RBFOX1: variants seen among roughly 807,000 people sequenced by gnomAD.
RBFOX1 encodes the protein RNA binding fox-1 homolog 1.
In RBFOX1, 8 loss-of-function variants were observed where a neutral mutation model predicts 57.7. The ratio of observed to expected loss-of-function variants is 0.14; its 90% confidence interval spans 0.08 to 0.25. The LOEUF is 0.25. RBFOX1 is among the 10% of genes least tolerant of loss of function. The probability of loss-of-function intolerance (pLI) is 1.00; values close to 1 mark genes in which losing one functional copy is unlikely to be tolerated. For synonymous variants in RBFOX1, 326 were observed against 222.4 expected (o/e 1.47, Z -4.15); for missense variants, 611 against 548.5 (o/e 1.11, Z -1.14).
chr16:6,753,088 C>G (rs1603545690), intron 3 of RBFOX1, among the ~76,000 whole-genome samples: 1 of 150,844 alleles, frequency 6.6e-6, no homozygotes, highest in African/African-American at 2.4e-5. Flanking sequence ...TAAAAAAATA[C>G]AAATATTGAA....
chr16:7,281,554 A>G (rs1451172241), intron 4 of RBFOX1, among the ~76,000 whole-genome samples: 1 of 152,132 alleles, frequency 6.6e-6, no homozygotes, highest in Non-Finnish European at 1.5e-5. Context: ...GTTAACTACT[A>G]TTCTTATTAG....
At chr16:7,500,266 G>A (rs895373919) in intron 4 of RBFOX1, among the ~76,000 whole-genome samples, 12 of 152,176 alleles carry the variant, frequency 7.9e-5, no homozygotes, top group African/African-American at 2.9e-4. Context: ...CTCTTCACTT[G>A]CCAAGATGGA....
At chr16:5,654,443 A>G (rs972411824) in intron 3 of RBFOX1, among the ~76,000 whole-genome samples, 1 of 152,010 alleles carries the variant, frequency 6.6e-6, no homozygotes, top group African/African-American at 2.4e-5. Flanking sequence ...AGTCCATACC[A>G]TTTCTTGTGG....
At chr16:5,521,856 CT>C (rs1380546294) in intron 2 of RBFOX1, among the ~76,000 whole-genome samples, 26 of 152,190 alleles carry the variant, frequency 1.7e-4, no homozygotes, top group African/African-American at 6.0e-4. Context: ...ATATCCCTAG[CT>C]TTTGTCCAGA....
intron 1 of RBFOX1, among the ~76,000 whole-genome samples, chr16:5,353,465 A>G (rs1435438831): frequency 1.3e-5 from 2 of 151,754 alleles, no homozygotes. Flanking sequence ...TAGGACATTG[A>G]CATTTTTAAA....
intron 3 of RBFOX1, among the ~76,000 whole-genome samples, chr16:6,780,884 C>G (rs915287272): frequency 2.6e-5 from 4 of 151,938 alleles, no homozygotes; most frequent in African/African-American, 9.7e-5. Flanking sequence ...CTCACATGTT[C>G]TGGCAGTTAT....
intron 4 of RBFOX1, among the ~76,000 whole-genome samples, chr16:7,285,023 C>T (rs1603488830): frequency 6.7e-6 from 1 of 149,110 alleles, no homozygotes; most frequent in Non-Finnish European, 1.5e-5. Flanking sequence ...TCAGAAAAGC[C>T]TTCCCTCACC....
intron 1 of RBFOX1, among the ~76,000 whole-genome samples, chr16:6,163,136 T>C (rs9941045): frequency 0.59 from 90,027 of 152,008 alleles, 27,683 homozygotes; most frequent in African/African-American, 0.71. Context: ...GGAAGGGTTG[T>C]GGTGTAAGTA....
intron 2 of RBFOX1, among the ~76,000 whole-genome samples, chr16:5,507,846 G>A (rs539925332): frequency 7.2e-5 from 11 of 152,280 alleles, no homozygotes; most frequent in Non-Finnish European, 1.3e-4. Flanking sequence ...ACGCAAGGAG[G>A]GTCTCTTCCT....
rs2074375202 is a variant in RBFOX1, at chr16:6,265,543, T to C, written c.-126-51452T>C. ...TCCCAGAGTGCTGGGATTACAGGTA[T>C]GAGCCACTGTGCCCGGCCAGTTTGA... On this transcript the variant is annotated intron_variant, in intron 1 of 15. Transcript: ENST00000550418. 2.0e-5 allele frequency among the ~76,000 whole-genome samples: 3 copies of C among 152,212 alleles called. No individual in the cohort carries two copies. The South Asian group carries it at 6.2e-4, about 32-fold the overall frequency.
At chr16:7,293,141 T>C (rs1168219712) in intron 4 of RBFOX1, among the ~76,000 whole-genome samples, 1 of 152,182 alleles carries the variant, frequency 6.6e-6, no homozygotes, top group Non-Finnish European at 1.5e-5. Context: ...ATCCATAGAT[T>C]CAGTCAACTG....
intron 4 of RBFOX1, among the ~76,000 whole-genome samples, chr16:7,343,203 G>A (rs1269117885): frequency 6.6e-6 from 1 of 152,198 alleles, no homozygotes; most frequent in South Asian, 2.1e-4. Flanking sequence ...GTGCCCGGTG[G>A]CAAGGAGGAT....
chr16:6,089,032 G>A (rs979705732), intron 1 of RBFOX1, among the ~76,000 whole-genome samples: 1 of 149,388 alleles, frequency 6.7e-6, no homozygotes, highest in African/African-American at 2.5e-5. Context: ...GGAGGCGGAG[G>A]TTGCAGTGAG....
At chr16:6,395,029 A>G (rs1265669522) in intron 2 of RBFOX1, among the ~76,000 whole-genome samples, 5 of 152,154 alleles carry the variant, frequency 3.3e-5, no homozygotes, top group Non-Finnish European at 1.5e-5. Flanking sequence ...TGGCTGGCCA[A>G]TGGCCATTTG....
At chr16:6,708,699 A>G (rs1226555855) in intron 3 of RBFOX1, among the ~76,000 whole-genome samples, 2 of 152,236 alleles carry the variant, frequency 1.3e-5, no homozygotes, top group East Asian at 1.9e-4. Flanking sequence ...AATCATTAGT[A>G]TAATTACACC....
At chr16:7,385,624 C>T (rs1373743323) in intron 4 of RBFOX1, among the ~76,000 whole-genome samples, 4 of 152,056 alleles carry the variant, frequency 2.6e-5, no homozygotes, top group African/African-American at 4.8e-5. Flanking sequence ...CTCATTTGGG[C>T]GTTGAAACTT....
intron 1 of RBFOX1, among the ~76,000 whole-genome samples, chr16:6,189,825 T>C (rs1432839648): frequency 6.6e-6 from 1 of 152,244 alleles, no homozygotes; most frequent in East Asian, 1.9e-4. Flanking sequence ...TTTCACATGG[T>C]TAAACATATA....
At chr16:6,092,713 A>G (rs2096193539) in intron 1 of RBFOX1, 1 of 151,948 alleles carries the variant, frequency 6.6e-6, no homozygotes. Flanking sequence ...GTGTGGCATT[A>G]TTTCTGGGCC....
At chr16:7,561,889 C>T (rs548870638) in intron 5 of RBFOX1, among the ~76,000 whole-genome samples, 1 of 152,046 alleles carries the variant, frequency 6.6e-6, no homozygotes, top group Non-Finnish European at 1.5e-5. Flanking sequence ...GGGGGGAAAT[C>T]TTTGAGCTAA....
Sources: gnomAD v4.1 joint callset for allele counts (sites outside exome capture counted in the v4.1 genomes callset) on GRCh38, gnomAD v4.1.1 for gene constraint, MANE v1.5 for transcripts, NCBI Gene and HGNC (gene_info 2026-07-23, HGNC 2026-07-21) for gene names.